SLCO1C1: variants seen among roughly 807,000 people sequenced by gnomAD.
SLCO1C1 encodes the protein OAT-RP-5.
A neutral mutation model predicts 76.4 loss-of-function variants in SLCO1C1; 70 were observed. That is an observed-to-expected ratio of 0.92 (90% CI 0.76 to 1.12). The LOEUF (loss-of-function observed/expected upper bound fraction) is 1.12, where lower values mean the gene tolerates loss of function less well. Among genes scored for constraint, SLCO1C1 ranks in the 50% most tolerant of loss-of-function variants. The pLI is 0.00. For missense variants in SLCO1C1, 912 were observed against 823.8 expected (o/e 1.11, Z -1.31); for synonymous variants, 306 against 286.1 (o/e 1.07, Z -0.70).
chr12:20,715,971 T>C (rs556353232), intron 6 of SLCO1C1, among the ~76,000 whole-genome samples: 20 of 152,274 alleles, frequency 1.3e-4, no homozygotes, highest in Admixed American at 3.9e-4. Flanking sequence ...GAAATACACG[T>C]CAGTCTCTCC....
chr12:20,746,373 C>T (rs1282709825), intron 13 of SLCO1C1, among the ~76,000 whole-genome samples: 2 of 151,962 alleles, frequency 1.3e-5, no homozygotes, highest in Non-Finnish European at 2.9e-5. Flanking sequence ...ATCATTTATC[C>T]TGCCTTTCTT....
chr12:20,711,286 A>C, intron 4 of SLCO1C1, 100 bp from the exon 5 acceptor site: 1 of 1,345,708 alleles, frequency 7.4e-7, no homozygotes, highest in Non-Finnish European at 1.0e-6. Flanking sequence ...AGACAGCTGC[A>C]AGCTCAACCT....
In SLCO1C1 at chr12:20,752,558, A is replaced by C. The variant is rs1195719743; in HGVS notation, c.*30A>C. ...ATGATGACTGGAAGTCATGTCTTCT[A>C]ATTGGTTGACATTTTGCAAACAAAT... On this transcript the variant is annotated 3_prime_UTR_variant, in exon 15 of 15. Coordinates refer to ENST00000266509, the MANE Select transcript of SLCO1C1 (RefSeq NM_017435.5). The C allele has an allele frequency of 6.6e-7, 1 of 1,505,462 alleles. No individual in the cohort carries two copies. Among genetic ancestry groups the C allele is most frequent in the Non-Finnish European group, 9.0e-7 (1 of 1,115,322 alleles). 93.3% of individuals were successfully genotyped at this position (1,505,462 alleles called of 1,614,324 possible).
intron 1 of SLCO1C1, chr12:20,697,545 G>C (rs1946323681): frequency 6.6e-6 from 1 of 151,752 alleles, no homozygotes; most frequent in Non-Finnish European, 1.5e-5. Context: ...GTTGGCTGTT[G>C]GTATCAGATA....
At chr12:20,749,273 G>C (rs1949183166) in intron 13 of SLCO1C1, among the ~76,000 whole-genome samples, 1 of 152,082 alleles carries the variant, frequency 6.6e-6, no homozygotes, top group Non-Finnish European at 1.5e-5. Flanking sequence ...ATACAAAAAA[G>C]GTTAAAACTC....
chr12:20,746,371 T>A (rs1355870214), intron 13 of SLCO1C1, among the ~76,000 whole-genome samples: 1 of 152,118 alleles, frequency 6.6e-6, no homozygotes, highest in Non-Finnish European at 1.5e-5. Flanking sequence ...AAATCATTTA[T>A]CCTGCCTTTC....
intron 13 of SLCO1C1, among the ~76,000 whole-genome samples, chr12:20,746,192 G>A (rs1949034437): frequency 6.6e-6 from 1 of 152,122 alleles, no homozygotes; most frequent in African/African-American, 2.4e-5. Flanking sequence ...CTCAAGGTGA[G>A]ATAAATTGAA....
intron 4 of SLCO1C1, among the ~76,000 whole-genome samples, chr12:20,710,248 C>G (rs1211839560): frequency 1.4e-5 from 2 of 139,020 alleles, no homozygotes; most frequent in South Asian, 4.6e-4. Flanking sequence ...CGCTCTGTCG[C>G]CCAGGCTGGA....
At chr12:20,701,256 C>G (rs1946512430) in intron 2 of SLCO1C1, 62 bp from the exon 3 acceptor site, 8 of 1,373,476 alleles carry the variant, frequency 5.8e-6, no homozygotes, top group Non-Finnish European at 7.7e-6. Flanking sequence ...TGTCTATTTA[C>G]TTAGTTTCCA....
At chr12:20,721,419 C>G (rs749173200) in intron 7 of SLCO1C1, among the ~76,000 whole-genome samples, 4 of 152,176 alleles carry the variant, frequency 2.6e-5, no homozygotes, top group Non-Finnish European at 4.4e-5. Flanking sequence ...GATCACTATT[C>G]ACTGAAGGCT....
chr12:20,707,797 T>C (rs1262270843), intron 4 of SLCO1C1, among the ~76,000 whole-genome samples: 1 of 151,652 alleles, frequency 6.6e-6, no homozygotes, highest in Non-Finnish European at 1.5e-5. Flanking sequence ...GTGACAAATA[T>C]CGAATACCCG....
At chr12:20,703,948 A>AGTGT (rs1454879675) in intron 3 of SLCO1C1, among the ~76,000 whole-genome samples, 15 of 101,950 alleles carry the variant, frequency 1.5e-4, no homozygotes, top group South Asian at 3.7e-4. Flanking sequence ...TGTTATCTCG[A>AGTGT]GTGTGTCTGT....
chr12:20,719,652 C>G (rs1439836468), intron 7 of SLCO1C1, among the ~76,000 whole-genome samples: 1 of 152,090 alleles, frequency 6.6e-6, no homozygotes, highest in African/African-American at 2.4e-5. Context: ...TAAGCCAAAA[C>G]CTAATTCAGA....
intron 5 of SLCO1C1, among the ~76,000 whole-genome samples, chr12:20,713,166 G>T (rs906433339): frequency 6.7e-6 from 1 of 148,388 alleles, no homozygotes; most frequent in Non-Finnish European, 1.5e-5. Context: ...TGCAAGCTCC[G>T]CCTCCCGGGT....
chr12:20,696,081 T>C (rs980606595), intron 1 of SLCO1C1, among the ~76,000 whole-genome samples: 4 of 152,120 alleles, frequency 2.6e-5, no homozygotes, highest in African/African-American at 7.2e-5. Context: ...ATTTAAAAAA[T>C]GGAATTCTAA....
chr12:20,726,352 C>G (rs1188843870), intron 9 of SLCO1C1, among the ~76,000 whole-genome samples: 1 of 151,624 alleles, frequency 6.6e-6, no homozygotes, highest in African/African-American at 2.4e-5. Flanking sequence ...TGAGAGAAGG[C>G]ATTTGACATA....
intron 11 of SLCO1C1, among the ~76,000 whole-genome samples, chr12:20,739,292 T>A (rs1310037881): frequency 6.6e-6 from 1 of 152,136 alleles, no homozygotes; most frequent in Non-Finnish European, 1.5e-5. Context: ...AAAGTATGTT[T>A]TAAAAATAAG....
intron 3 of SLCO1C1, among the ~76,000 whole-genome samples, chr12:20,703,281 T>C (rs532833291): frequency 2.6e-5 from 4 of 151,968 alleles, no homozygotes; most frequent in African/African-American, 4.8e-5. Context: ...ATGTTATTTG[T>C]ATGTGGCAAC....
At chr12:20,743,489 G>A in intron 13 of SLCO1C1, 120 bp downstream of exon 13, 1 of 664,494 alleles carries the variant, frequency 1.5e-6, no homozygotes, top group Non-Finnish European at 2.5e-6. Context: ...AAAGTTCATA[G>A]TCTTTTTTAT....
Sources: gnomAD v4.1 joint callset for allele counts (sites outside exome capture counted in the v4.1 genomes callset) on GRCh38, gnomAD v4.1.1 for gene constraint, MANE v1.5 for transcripts, NCBI Gene and HGNC (gene_info 2026-07-23, HGNC 2026-07-21) for gene names.